Variants in YPEL3 observed in about 807,000 individuals in gnomAD.
YPEL3 encodes yippee like 3.
A neutral mutation model predicts 17.5 loss-of-function variants in YPEL3; 5 were observed. That is an observed-to-expected ratio of 0.29 (90% CI 0.15 to 0.60). The LOEUF (loss-of-function observed/expected upper bound fraction) is 0.60. Ranked by LOEUF, YPEL3 falls within the 20% of genes least tolerant of loss-of-function variation. The pLI, the probability that YPEL3 is intolerant of heterozygous loss-of-function variation, is 0.87. For synonymous variants in YPEL3, 87 were observed against 87.2 expected (o/e 1.00, Z 0.01); for missense variants, 155 against 211.4 (o/e 0.73, Z 1.65).
rs1176215346 is a variant in YPEL3 at position 30,092,667 on chromosome 16, C to T, written c.*43G>A. ...GCGGGAAGCCAGTGGCGCTCCCTGGCGGCCAGGCCGGGCTGGAGCCACATG... is the reference window on the plus strand; with the variant it reads ...GCGGGAAGCCAGTGGCGCTCCCTGGTGGCCAGGCCGGGCTGGAGCCACATG... On this transcript the variant is annotated 3_prime_UTR_variant, in exon 4 of 4. Coordinates refer to ENST00000398841, the MANE Select transcript of YPEL3 (RefSeq NM_031477.5). The T allele has an allele frequency of 2.5e-6, 4 of 1,602,308 alleles. No homozygotes were observed. The South Asian group carries it at 4.4e-5, about 18-fold the overall frequency.
At position 30,092,779 on chromosome 16, in the gene YPEL3, G is replaced by A. The variant is rs2072747275; in HGVS notation, c.405C>T (p.Ser135=). 6.2e-7 allele frequency: 1 copy of A among 1,614,016 alleles called. No homozygotes were observed. The highest frequency in any genetic ancestry group is 1.1e-5 in the South Asian group (1 of 91,084). Residue 135 remains serine (S), a synonymous_variant, in exon 4 of 4, where the codon AGC becomes AGT. Coordinates refer to ENST00000398841, the MANE Select transcript of YPEL3 (RefSeq NM_031477.5). ...GWKYEQAFES[S]QKYKEGKYII... is the part of the protein sequence containing the mutation. ...TGTACTTCCCCTCTTTGTACTTCTG[G>A]CTGCTCTCAAAGGCCTGTTCCTGAA...
Position 30,092,797 on chromosome 16 carries a change from T to C in YPEL3, c.387A>G (p.Glu129=). Reference sequence around the variant, plus strand: ...ACTTCTGGCTGCTCTCAAAGGCCTGTTCCTGAAAGGAGGGGCGGGACCGTC... The same window carrying C: ...ACTTCTGGCTGCTCTCAAAGGCCTGCTCCTGAAAGGAGGGGCGGGACCGTC... ...NCKTTLGWKY[E]QAFESSQKYK... The change falls in exon 4 of 4, where the codon GAA becomes GAG. Residue 129 remains glutamate, a splice_region_variant and synonymous_variant. Coordinates refer to ENST00000398841, the MANE Select transcript of YPEL3 (RefSeq NM_031477.5). 1.2e-6 allele frequency: 2 copies of C among 1,614,068 alleles called. No homozygotes were observed. Among genetic ancestry groups the C allele is most frequent in the Non-Finnish European group, 8.5e-7 (1 of 1,179,926 alleles).
chr16:30,095,161 G>A lies in YPEL3; in HGVS notation c.232-15C>T, dbSNP rs745774322. 3.1e-6 allele frequency: 5 copies of A among 1,614,082 alleles called. No homozygotes were observed. Among genetic ancestry groups the A allele is most frequent in the Non-Finnish European group, 3.4e-6 (4 of 1,179,934 alleles). ...CCCTGGAAGGACTAAAGGGTGAGAG[G>A]GTGGGAAGAGAGGAGGGGGTCAGGG... On this transcript the variant is annotated splice_polypyrimidine_tract_variant and intron_variant, in intron 1 of 3. Transcript: ENST00000398841. The surrounding 1 kb of genome is among the most constrained non-coding windows in gnomAD (Gnocchi z 5.4).
At chr16:30,094,713 G>C in intron 3 of YPEL3, 76 bp downstream of exon 3, 2 of 1,341,918 alleles carry the variant, frequency 1.5e-6, no homozygotes, top group Non-Finnish European at 2.1e-6. Context: ...AAAGGCTATA[G>C]GGTGACAGCT....
At position 30,095,575 on chromosome 16, in the gene YPEL3, G is replaced by A; in HGVS notation, c.-93C>T. On this transcript the variant is annotated 5_prime_UTR_variant, in exon 1 of 4. Coordinates refer to ENST00000398841, the MANE Select transcript of YPEL3 (RefSeq NM_031477.5). The surrounding 1 kb of genome is among the most constrained non-coding windows in gnomAD (Gnocchi z 5.4). ...CCAGCAGCCTCTCCGGGGACCAGAG[G>A]CGTCTCGGTTTTGACTCAGTGAGGA... The A allele has an allele frequency of 8.5e-7, 1 of 1,177,744 alleles. No homozygotes were observed. The highest frequency in any genetic ancestry group is 1.2e-6 in the Non-Finnish European group (1 of 866,676). The allele number at this position is 1,177,744 out of a possible 1,614,324, so 73.0% of individuals were successfully genotyped here.
chr16:30,094,953 C>T, intron 2 of YPEL3, 56 bp from the exon 3 acceptor site: 1 of 1,596,310 alleles, frequency 6.3e-7, no homozygotes, highest in East Asian at 2.2e-5. Flanking sequence ...GGCCCACCCC[C>T]TCAAGCACTG....
chr16:30,094,315 C>A (rs2072770114), intron 3 of YPEL3: 1 of 174,360 alleles, frequency 5.7e-6, no homozygotes, highest in African/African-American at 2.4e-5. Flanking sequence ...AAGCTGGTGA[C>A]CAAGGGTTTG....
chr16:30,092,745 G>A lies in YPEL3; in HGVS notation c.439C>T (p.Leu147Phe). Residue 147 changes from leucine to phenylalanine, a missense_variant, in exon 4 of 4, where the codon CTC becomes TTC. Coordinates refer to ENST00000398841, the MANE Select transcript of YPEL3 (RefSeq NM_031477.5). ...CCGTTGTCTTTGATCATGTGGTTGA[G>A]TTCAATGATGTACTTCCCCTCTTTG... ...KYKEGKYIIE[L>F]NHMIKDNGWD The A allele has an allele frequency of 1.2e-6, 2 of 1,614,210 alleles. No homozygotes were observed. The highest frequency in any genetic ancestry group is 8.5e-7 in the Non-Finnish European group (1 of 1,180,014).
In YPEL3 at chr16:30,095,895, C is replaced by A. The variant is rs2072788082; in HGVS notation, c.-413G>T. The A allele has an allele frequency of 1.1e-5, 2 of 180,448 alleles. No individual in the cohort carries two copies. Among genetic ancestry groups the A allele is most frequent in the South Asian group, 1.5e-4 (1 of 6,696 alleles). 11.2% of individuals were successfully genotyped at this position (180,448 alleles called of 1,614,324 possible). ...GCCTCGCCGTGAAGGTTGAGGGTCA[C>A]CTAGGAGGGGAGGGGCTCTCACCTG... is the stretch of plus-strand genomic sequence containing the variant. On this transcript the variant is annotated 5_prime_UTR_variant, in exon 1 of 4. Coordinates refer to ENST00000398841, the MANE Select transcript of YPEL3 (RefSeq NM_031477.5). The surrounding 1 kb of genome is among the most constrained non-coding windows in gnomAD (Gnocchi z 5.4).
rs769706500 is a variant in YPEL3 at position 30,095,211 on chromosome 16, G to T, written c.231+41C>A. On this transcript the variant is annotated intron_variant, in intron 1 of 3. Transcript: ENST00000398841. The surrounding 1 kb of genome is among the most constrained non-coding windows in gnomAD (Gnocchi z 5.4). The stretch of plus-strand genomic sequence containing the variant: ...GCTGCCGGTGGGGAGCTGCCAGGCA[G>T]CCCCTATAGGTTCCAGCCCCACTGT... 1 of 1,613,940 alleles carries T rather than the reference G, an allele frequency of 6.2e-7. No homozygotes were observed. The highest frequency in any genetic ancestry group is 8.5e-7 in the Non-Finnish European group (1 of 1,179,930).
Position 30,095,576 on chromosome 16 carries a change from C to CCCA in YPEL3, c.-95_-94insTGG. 1 of 1,167,282 alleles carries CCCA rather than the reference C, an allele frequency of 8.6e-7. No homozygotes were observed. The highest frequency in any genetic ancestry group is 1.2e-6 in the Non-Finnish European group (1 of 858,180). 72.3% of individuals were successfully genotyped at this position (1,167,282 alleles called of 1,614,324 possible). On this transcript the variant is annotated 5_prime_UTR_variant, in exon 1 of 4. Coordinates refer to ENST00000398841, the MANE Select transcript of YPEL3 (RefSeq NM_031477.5). This position sits in a 1 kb window ranked among gnomAD's most constrained non-coding sequence, Gnocchi z 5.4. The stretch of plus-strand genomic sequence containing the variant: ...CAGCAGCCTCTCCGGGGACCAGAGG[C>CCCA]GTCTCGGTTTTGACTCAGTGAGGAG...
rs2072743315 is a variant in YPEL3 at position 30,092,587 on chromosome 16, G to A, written c.*123C>T. On this transcript the variant is annotated 3_prime_UTR_variant, in exon 4 of 4. Transcript: ENST00000398841. ...GTGCATGCAATAAAATATATATACA[G>A]GAGCTAGATCCGTCCTCTGCAGGGG... 6 of 810,784 alleles carry A rather than the reference G, an allele frequency of 7.4e-6. No individual in the cohort carries two copies. The highest frequency in any genetic ancestry group is 1.6e-5 in the South Asian group (1 of 63,888). The allele number at this position is 810,784 out of a possible 1,614,324, so 50.2% of individuals were successfully genotyped here.
In YPEL3 at chr16:30,092,804, A is replaced by G; in HGVS notation, c.385-5T>C. 6.2e-7 allele frequency: 1 copy of G among 1,613,854 alleles called. No homozygotes were observed. The highest frequency in any genetic ancestry group is 8.5e-7 in the Non-Finnish European group (1 of 1,179,766). On this transcript the variant is annotated splice_region_variant and splice_polypyrimidine_tract_variant and intron_variant, in intron 3 of 3. Transcript: ENST00000398841. ...GCTGCTCTCAAAGGCCTGTTCCTGAAAGGAGGGGCGGGACCGTCATCCCCG... is the reference window on the plus strand; with the variant it reads ...GCTGCTCTCAAAGGCCTGTTCCTGAGAGGAGGGGCGGGACCGTCATCCCCG...
Position 30,095,535 on chromosome 16 carries a change from CTCCTT to C in YPEL3, c.-58_-54del. On this transcript the variant is annotated 5_prime_UTR_variant, in exon 1 of 4. An upstream open reading frame in the 5' UTR gains an earlier in-frame stop. Transcript: ENST00000398841. The surrounding 1 kb of genome is among the most constrained non-coding windows in gnomAD (Gnocchi z 5.4). ...TCGCTCTGTCACACTGGGCTGCTCT[CTCCTT>C]TCCCCAGAGCCAGCAGCCTCTCCGG... 1 of 1,395,566 alleles carries C rather than the reference CTCCTT, an allele frequency of 7.2e-7. No individual in the cohort carries two copies. Among genetic ancestry groups the C allele is most frequent in the Non-Finnish European group, 9.5e-7 (1 of 1,057,494 alleles). 86.4% of individuals were successfully genotyped at this position (1,395,566 alleles called of 1,614,324 possible). A position where few individuals can be genotyped will look rare whatever the true frequency, so the allele number is the denominator to read the frequency against.
rs2072743605 is a variant in YPEL3, at chr16:30,092,599, G to A, written c.*111C>T. 1.0e-6 allele frequency: 1 copy of A among 954,672 alleles called. No homozygotes were observed. The highest frequency in any genetic ancestry group is 1.4e-5 in the South Asian group (1 of 73,182). The allele number at this position is 954,672 out of a possible 1,614,324, so 59.1% of individuals were successfully genotyped here. On this transcript the variant is annotated 3_prime_UTR_variant, in exon 4 of 4. Coordinates refer to ENST00000398841, the MANE Select transcript of YPEL3 (RefSeq NM_031477.5). ...AAATATATATACAGGAGCTAGATCC[G>A]TCCTCTGCAGGGGCTCTGAGGGTCC... is the stretch of plus-strand genomic sequence containing the variant.
chr16:30,094,617 AAAAGTT>A lies in YPEL3; in HGVS notation c.384+166_384+171del, dbSNP rs2072773278. The stretch of plus-strand genomic sequence containing the variant: ...TGGGAGAGAAGGGATGGGTTAAGAG[AAAAGTT>A]CTACACCCCTTGCAAGGTGCAAGAT... On this transcript the variant is annotated intron_variant, in intron 3 of 3. Coordinates refer to ENST00000398841, the MANE Select transcript of YPEL3 (RefSeq NM_031477.5). The A allele has an allele frequency of 1.0e-5, 7 of 667,586 alleles. No individual in the cohort carries two copies. The South Asian group carries it at 1.2e-4, about 11-fold the overall frequency. 41.4% of individuals were successfully genotyped at this position (667,586 alleles called of 1,614,324 possible).
intron 2 of YPEL3, 68 bp from the exon 3 acceptor site, chr16:30,094,965 G>C: frequency 6.3e-7 from 1 of 1,598,898 alleles, no homozygotes; most frequent in South Asian, 1.1e-5. Flanking sequence ...CAAGCACTGT[G>C]TCTGTCCTCA....
Position 30,092,720 on chromosome 16 carries a change from C to T in YPEL3, c.464G>A (p.Gly155Asp). The T allele has an allele frequency of 6.2e-7, 1 of 1,614,160 alleles. No homozygotes were observed. Among genetic ancestry groups the T allele is most frequent in the South Asian group, 1.1e-5 (1 of 91,086 alleles). The part of the protein sequence containing the change: ...IELNHMIKDN[G>D]WD Reference sequence around the variant, plus strand: ...TCGGGGGAGCGGGGGTCAGTCCCAGCCGTTGTCTTTGATCATGTGGTTGAG... The same window carrying T: ...TCGGGGGAGCGGGGGTCAGTCCCAGTCGTTGTCTTTGATCATGTGGTTGAG... Residue 155 changes from glycine to aspartate, a missense_variant, in exon 4 of 4, where the codon GGC (glycine) becomes GAC (aspartate). By Grantham distance (94) the Gly-to-Asp change is moderately conservative. Around this residue, in one of 3 missense-constraint regions of YPEL3, gnomAD observed 23 missense variants for 16.4 expected, o/e 1.40. Coordinates refer to ENST00000398841, the MANE Select transcript of YPEL3 (RefSeq NM_031477.5).
rs1596858638 is a variant in YPEL3 at position 30,092,488 on chromosome 16, A to G, written c.*222T>C. 1 of 560,890 alleles carries G rather than the reference A, an allele frequency of 1.8e-6. No homozygotes were observed. The highest frequency in any genetic ancestry group is 3.1e-5 in the Admixed American group (1 of 32,452). The allele number at this position is 560,890 out of a possible 1,614,324, so 34.7% of individuals were successfully genotyped here. A position where few individuals can be genotyped will look rare whatever the true frequency, so the allele number is the denominator to read the frequency against. On this transcript the variant is annotated 3_prime_UTR_variant, in exon 4 of 4. Coordinates refer to ENST00000398841, the MANE Select transcript of YPEL3 (RefSeq NM_031477.5). ...CAGGTGGGGCAGGAACGGGTTAAAAACGAGATCCAAGCCAGCCAGATCGCA... is the reference window on the plus strand; with the variant it reads ...CAGGTGGGGCAGGAACGGGTTAAAAGCGAGATCCAAGCCAGCCAGATCGCA...
Sources: gnomAD v4.1 joint callset for allele counts on GRCh38, gnomAD v4.1.1 for gene constraint, gnomAD v4.1.1 regional missense constraint, Gnocchi (gnomAD v3.1) non-coding constraint, MANE v1.5 for transcripts, NCBI Gene and HGNC (gene_info 2026-07-23, HGNC 2026-07-21) for gene names.